Variants in KLHDC1 observed in about 807,000 individuals in gnomAD.
The protein encoded by KLHDC1 is kelch domain containing 1.
Under a neutral mutation model 68.3 loss-of-function variants are expected in KLHDC1, and 53 were observed. That is an observed-to-expected ratio of 0.78 (90% CI 0.62 to 0.98). The LOEUF (loss-of-function observed/expected upper bound fraction) is 0.98. KLHDC1 is among the 50% of genes least tolerant of loss of function. The pLI, the probability that KLHDC1 is intolerant of heterozygous loss-of-function variation, is 0.00. For missense variants in KLHDC1, 470 were observed against 492.3 expected (o/e 0.95, Z 0.43); for synonymous variants, 148 against 159.0 (o/e 0.93, Z 0.52).
At chr14:49,749,697 A>G (rs1889281528) in intron 12 of KLHDC1, among the ~76,000 whole-genome samples, 1 of 150,990 alleles carries the variant, frequency 6.6e-6, no homozygotes, top group African/African-American at 2.4e-5. Context: ...AAAAAAAAAA[A>G]GAAATACAAT....
At chr14:49,707,626 G>C (rs1420381236) in intron 1 of KLHDC1, 1 of 138,372 alleles carries the variant, frequency 7.2e-6, no homozygotes, top group African/African-American at 2.7e-5. Context: ...GATTACAGGC[G>C]TGAGCCACTA....
chr14:49,717,520 A>G (rs1444418658), intron 4 of KLHDC1, among the ~76,000 whole-genome samples: 1 of 152,170 alleles, frequency 6.6e-6, no homozygotes, highest in African/African-American at 2.4e-5. Flanking sequence ...AGAAATGTCT[A>G]TTCAAATCCT....
At chr14:49,750,006 G>A (rs1178917380) in intron 12 of KLHDC1, among the ~76,000 whole-genome samples, 1 of 152,158 alleles carries the variant, frequency 6.6e-6, no homozygotes, top group Non-Finnish European at 1.5e-5. Flanking sequence ...GTTGCAGTAA[G>A]CTGAGATCAG....
intron 4 of KLHDC1, among the ~76,000 whole-genome samples, chr14:49,711,714 T>C (rs1008490575): frequency 6.6e-6 from 1 of 152,038 alleles, no homozygotes; most frequent in Non-Finnish European, 1.5e-5. Flanking sequence ...TGAGTTCTTA[T>C]ATTTTTGTTT....
At chr14:49,705,886 A>G (rs183076426) in intron 1 of KLHDC1, among the ~76,000 whole-genome samples, 78 of 152,258 alleles carry the variant, frequency 5.1e-4, no homozygotes, top group African/African-American at 1.8e-3. Flanking sequence ...AGGTGTATAT[A>G]TTTATGGGAT....
intron 5 of KLHDC1, 82 bp downstream of exon 5, chr14:49,724,034 C>A: frequency 1.3e-6 from 1 of 755,276 alleles, no homozygotes; most frequent in Admixed American, 3.3e-5. Context: ...TAGTCTTTCT[C>A]ATTTTTGGAG....
chr14:49,715,164 C>T (rs1888337682), intron 4 of KLHDC1, among the ~76,000 whole-genome samples: 1 of 148,942 alleles, frequency 6.7e-6, no homozygotes, highest in South Asian at 2.1e-4. Flanking sequence ...ATTCTGTCAC[C>T]CAGGCTGGAG....
intron 4 of KLHDC1, among the ~76,000 whole-genome samples, chr14:49,715,828 G>A (rs914307432): frequency 1.0e-4 from 15 of 147,786 alleles, no homozygotes; most frequent in African/African-American, 2.7e-4. Context: ...AGATGTTTAT[G>A]AGCAATGAAT....
In KLHDC1 at chr14:49,697,747, C is replaced by A. The variant is rs530652847; in HGVS notation, c.96+4457C>A. ...CAGTACCAGTAGGGGAAAATTAGAA[C>A]TAACTTTTGAGTGCTTACTACATCT... On this transcript the variant is annotated intron_variant, in intron 1 of 12. Transcript: ENST00000359332. Among the ~76,000 whole-genome samples, 7 of 152,274 alleles carry A rather than the reference C, an allele frequency of 4.6e-5. No homozygotes were observed. The South Asian group carries it at 1.4e-3, about 32-fold the overall frequency.
At chr14:49,738,142 C>G (rs1291520518) in intron 10 of KLHDC1, among the ~76,000 whole-genome samples, 2 of 151,846 alleles carry the variant, frequency 1.3e-5, no homozygotes, top group Admixed American at 6.6e-5. Flanking sequence ...ATCCTCCTGC[C>G]TCAGCCTCCT....
Position 49,729,547 on chromosome 14 carries a change from A to T in KLHDC1, c.709A>T (p.Arg237Trp), listed in dbSNP as rs757879867. The T allele has an allele frequency of 6.2e-7, 1 of 1,601,776 alleles. No homozygotes were observed. Among genetic ancestry groups the T allele is most frequent in the East Asian group, 2.2e-5 (1 of 44,708 alleles). The change falls in exon 8 of 13, where the codon AGG (arginine) becomes TGG (tryptophan). Residue 237 changes from arginine (R) to tryptophan (W), a missense_variant and splice_region_variant. By Grantham distance (101) the Arg-to-Trp change is moderately radical. Transcript: ENST00000359332. The stretch of plus-strand genomic sequence containing the variant: ...CCTAGACACCTGGACTTGGTCTGGA[A>T]GGTAAGTTTGAAGTCTAAGTACGTT... ...LNLDTWTWSG[R>W]ITINGESPKH...
chr14:49,703,668 A>G (rs1359880980), intron 1 of KLHDC1, among the ~76,000 whole-genome samples: 3 of 138,442 alleles, frequency 2.2e-5, no homozygotes, highest in Non-Finnish European at 5.1e-5. Context: ...TCAGATTCAT[A>G]CATTGCTTAT....
chr14:49,694,470 T>C (rs1304981196), intron 1 of KLHDC1, among the ~76,000 whole-genome samples: 3 of 152,132 alleles, frequency 2.0e-5, no homozygotes, highest in Non-Finnish European at 2.9e-5. Context: ...AGCGAGGTCA[T>C]ACGAATTTTT....
chr14:49,734,182 G>T (rs974844070), intron 9 of KLHDC1, among the ~76,000 whole-genome samples: 10 of 152,022 alleles, frequency 6.6e-5, no homozygotes, highest in African/African-American at 9.7e-5. Flanking sequence ...CTAAGATTTG[G>T]TCATATGGAT....
intron 11 of KLHDC1, among the ~76,000 whole-genome samples, chr14:49,740,571 C>G (rs1889041445): frequency 6.6e-6 from 1 of 151,938 alleles, no homozygotes; most frequent in South Asian, 2.1e-4. Context: ...GATCTCCTGA[C>G]CTCGTGATCC....
At chr14:49,740,732 C>T (rs912076580) in intron 11 of KLHDC1, among the ~76,000 whole-genome samples, 1 of 152,118 alleles carries the variant, frequency 6.6e-6, no homozygotes, top group Non-Finnish European at 1.5e-5. Context: ...ATTAAGAAGA[C>T]CTTTTAAAGG....
intron 4 of KLHDC1, among the ~76,000 whole-genome samples, chr14:49,710,984 AT>A (rs987293687): frequency 2.7e-5 from 4 of 147,612 alleles, no homozygotes; most frequent in African/African-American, 5.0e-5. Flanking sequence ...TTCTTTCCTA[AT>A]TTTTTTTGTT....
chr14:49,724,233 T>C (rs936606499), intron 5 of KLHDC1, among the ~76,000 whole-genome samples: 10 of 152,136 alleles, frequency 6.6e-5, no homozygotes, highest in African/African-American at 2.2e-4. Flanking sequence ...TTAGCACAAC[T>C]TGGAAAAATT....
At position 49,750,793 on chromosome 14, in the gene KLHDC1, T is replaced by C. The variant is rs528445936; in HGVS notation, c.1035-793T>C. Among the ~76,000 whole-genome samples, 15 of 152,298 alleles carry C rather than the reference T, an allele frequency of 9.8e-5. No homozygotes were observed. The South Asian group carries it at 2.9e-3, about 29-fold the overall frequency. On this transcript the variant is annotated intron_variant, in intron 12 of 12. Transcript: ENST00000359332. ...TTGTACTTGGAAGGATACTGCCCTC[T>C]AGTCTAATGGAATCAAAGGGGAAAA... is the stretch of plus-strand genomic sequence containing the variant.
Sources: gnomAD v4.1 joint callset for allele counts (sites outside exome capture counted in the v4.1 genomes callset) on GRCh38, gnomAD v4.1.1 for gene constraint, MANE v1.5 for transcripts, NCBI Gene and HGNC (gene_info 2026-07-23, HGNC 2026-07-21) for gene names.